The following NYAP2 variants were observed in gnomAD, a reference collection of about 807,000 sequenced individuals.
NYAP2 encodes neuronal tyrosine-phosphorylated phosphoinositide-3-kinase adaptor 2, also known as neuronal tyrosine-phosphorylated phosphoinositide-3-kinase adapter 2.
NYAP2 carries 23 observed loss-of-function variants against 50.4 expected under a neutral mutation model. The observed-to-expected ratio is 0.46, with a 90% confidence interval of 0.33 to 0.65. The LOEUF (loss-of-function observed/expected upper bound fraction) is 0.65. NYAP2 is among the 30% of genes least tolerant of loss of function. The pLI is 0.02. For synonymous variants in NYAP2, 394 were observed against 365.2 expected (o/e 1.08, Z -0.90); for missense variants, 885 against 861.0 (o/e 1.03, Z -0.35).
intron 4 of NYAP2, among the ~76,000 whole-genome samples, chr2:225,520,911 A>T (rs898490657): frequency 4.6e-5 from 7 of 151,850 alleles, no homozygotes; most frequent in Non-Finnish European, 2.9e-5. Flanking sequence ...ATGAGCATGG[A>T]ATGTTCTTCC....
Position 225,454,041 on chromosome 2 carries a change from G to A in NYAP2, c.221+44940G>A, listed in dbSNP as rs1184320793. Among the ~76,000 whole-genome samples, 4 of 152,060 alleles carry A rather than the reference G, an allele frequency of 2.6e-5. 1 individual carries two copies. The highest frequency in any genetic ancestry group is 2.6e-4 in the Admixed American group (4 of 15,258). ...TTGTAATGTAAAACTTTTGAGGCCA[G>A]GAGTGGTGGCTCTTGCCTATGTTTG... On this transcript the variant is annotated intron_variant, in intron 3 of 6. Transcript: ENST00000636099.
chr2:225,445,312 T>C (rs549659084), intron 3 of NYAP2, among the ~76,000 whole-genome samples: 1 of 152,140 alleles, frequency 6.6e-6, no homozygotes, highest in Non-Finnish European at 1.5e-5. Flanking sequence ...TTCCTAAAGT[T>C]TTTTAGGAAA....
downstream of NYAP2, among the ~76,000 whole-genome samples, chr2:225,658,079 T>C (rs181177481): frequency 6.6e-6 from 1 of 152,226 alleles, no homozygotes; most frequent in African/African-American, 2.4e-5. Context: ...CAGCTGATTT[T>C]ATTGTATGCT....
intron 5 of NYAP2, among the ~76,000 whole-genome samples, chr2:225,604,214 C>T (rs1692746029): frequency 6.6e-6 from 1 of 151,826 alleles, no homozygotes; most frequent in Admixed American, 6.6e-5. Context: ...AGACACCTAA[C>T]CTAAAAAAAG....
At chr2:225,648,936 T>C (rs779642872) in intron 6 of NYAP2, among the ~76,000 whole-genome samples, 4 of 152,096 alleles carry the variant, frequency 2.6e-5, no homozygotes, top group African/African-American at 4.8e-5. Context: ...AAGAAACAAG[T>C]TGATGAAGCT....
chr2:225,583,046 A>C lies in NYAP2; in HGVS notation c.1618+11A>C, dbSNP rs1235885343. ...AAGAGCCTGCAGAGAGTAAGTGTGC[A>C]GGGCCTGCCTGAGCCCCAGAGCCCA... On this transcript the variant is annotated intron_variant, in intron 5 of 6. Coordinates refer to ENST00000636099, the Ensembl canonical transcript of NYAP2. The C allele has an allele frequency of 1.2e-6, 2 of 1,605,040 alleles. No individual in the cohort carries two copies. The highest frequency in any genetic ancestry group is 4.5e-5 in the East Asian group (2 of 44,706).
At chr2:225,637,558 T>C (rs2106263783) in intron 6 of NYAP2, among the ~76,000 whole-genome samples, 1 of 152,322 alleles carries the variant, frequency 6.6e-6, no homozygotes, top group South Asian at 2.1e-4. Context: ...TGCCTGGTTC[T>C]GTTCACCGTT....
At chr2:225,405,847 A>C (rs1040493898) in intron 2 of NYAP2, among the ~76,000 whole-genome samples, 1 of 151,782 alleles carries the variant, frequency 6.6e-6, no homozygotes, top group Non-Finnish European at 1.5e-5. Context: ...GAATGTATCA[A>C]CTCCTAACCT....
At chr2:225,664,093 A>G in the NYAP2 span, among the ~76,000 whole-genome samples, 2 of 152,152 alleles carry the variant, frequency 1.3e-5, no homozygotes, top group East Asian at 3.9e-4. Context: ...TTTGCATCAG[A>G]GAGGAACTCT....
intron 3 of NYAP2, among the ~76,000 whole-genome samples, chr2:225,440,311 A>C (rs562391826): frequency 1.1e-4 from 17 of 152,370 alleles, no homozygotes; most frequent in Middle Eastern, 3.4e-3. Context: ...ACTAACAGTT[A>C]ATGAGAGAAT....
chr2:225,399,523 T>C (rs1467466021), upstream of NYAP2, among the ~76,000 whole-genome samples: 1 of 152,092 alleles, frequency 6.6e-6, no homozygotes, highest in East Asian at 1.9e-4. Context: ...TTTTGCATCT[T>C]ATTTTAGTTA....
intron 3 of NYAP2, among the ~76,000 whole-genome samples, chr2:225,464,128 G>A (rs937550858): frequency 1.3e-5 from 2 of 152,166 alleles, no homozygotes; most frequent in African/African-American, 2.4e-5. Flanking sequence ...GGTGTGTGGT[G>A]AACAGTAGGG....
At chr2:225,697,774 C>T in the NYAP2 span, among the ~76,000 whole-genome samples, 2 of 151,858 alleles carry the variant, frequency 1.3e-5, no homozygotes, top group Non-Finnish European at 2.9e-5. Context: ...AATATTCATG[C>T]CCAAATTGTT....
rs190060915 is a variant in NYAP2, at chr2:225,582,361, C to T, written c.944C>T (p.Pro315Leu). Residue 315 changes from proline (P) to leucine (L), a missense_variant, in exon 5 of 7, where the codon CCC (proline) becomes CTC (leucine). Pro to Leu is a moderately conservative substitution (Grantham distance 98, BLOSUM62 -3). Transcript: ENST00000636099. The surrounding 1 kb of genome is among the most constrained non-coding windows in gnomAD (Gnocchi z 7.0). ...GCCAAGGCCTCAGTGCCATGCCCCC[C>T]CAAGGGGCTGCTTTGCGACATCCCT... is the stretch of plus-strand genomic sequence containing the variant. 23 of 1,612,502 alleles carry T rather than the reference C, an allele frequency of 1.4e-5. No individual in the cohort carries two copies. Among genetic ancestry groups the T allele is most frequent in the Admixed American group, 6.7e-5 (4 of 59,998 alleles).
rs1428515210 is a variant in NYAP2 at position 225,400,041 on chromosome 2, A to G, written c.-715A>G. ...AGAGAGGTTCTGTTGCCTAGATGTG[A>G]GGCCTTTAATGAGGATGGGAGCCCC... On this transcript the variant is annotated 5_prime_UTR_variant, in exon 1 of 7. It removes the in-frame stop codon of an upstream open reading frame in the 5' UTR. Transcript: ENST00000636099. 2 of 152,008 alleles carry G rather than the reference A, an allele frequency of 1.3e-5. No individual in the cohort carries two copies. The highest frequency in any genetic ancestry group is 3.9e-4 in the East Asian group (2 of 5,140). 9.4% of individuals were successfully genotyped at this position (152,008 alleles called of 1,614,324 possible).
chr2:225,436,504 G>A (rs997418307), intron 3 of NYAP2, among the ~76,000 whole-genome samples: 4 of 151,902 alleles, frequency 2.6e-5, no homozygotes, highest in African/African-American at 4.8e-5. Flanking sequence ...TTGTAATAAC[G>A]ACACCAGTCA....
chr2:225,438,081 C>T (rs1398170093), intron 3 of NYAP2, among the ~76,000 whole-genome samples: 1 of 152,010 alleles, frequency 6.6e-6, no homozygotes, highest in Non-Finnish European at 1.5e-5. Flanking sequence ...TGATTGTTTT[C>T]CTGTTACAAG....
rs186782152 is a variant in NYAP2 at position 225,545,556 on chromosome 2, G to A, written c.523+31884G>A. ...TTTTCTTAATTTTTTCAATCTCTTTGTTAAATGCATCTGATAGAGTTCTGA... is the reference window on the plus strand; with the variant it reads ...TTTTCTTAATTTTTTCAATCTCTTTATTAAATGCATCTGATAGAGTTCTGA... On this transcript the variant is annotated intron_variant, in intron 4 of 6. Coordinates refer to ENST00000636099, the Ensembl canonical transcript of NYAP2. Among the ~76,000 whole-genome samples the A allele has an allele frequency of 2.2e-3, 338 of 152,022 alleles. 2 individuals are homozygous for A. Among genetic ancestry groups the A allele is most frequent in the Middle Eastern group, 6.8e-3 (2 of 294 alleles).
intron 5 of NYAP2, among the ~76,000 whole-genome samples, chr2:225,604,471 A>G (rs1692750683): frequency 6.6e-6 from 1 of 152,120 alleles, no homozygotes; most frequent in Non-Finnish European, 1.5e-5. Flanking sequence ...AAAGAGGTTC[A>G]ATTACTTGGG....
Sources: gnomAD v4.1 joint callset for allele counts (sites outside exome capture counted in the v4.1 genomes callset) on GRCh38, gnomAD v4.1.1 for gene constraint, Gnocchi (gnomAD v3.1) non-coding constraint, MANE v1.5 for transcripts, NCBI Gene and HGNC (gene_info 2026-07-23, HGNC 2026-07-21) for gene names.